Variants in PHACTR3 observed in about 807,000 individuals in gnomAD.
PHACTR3 encodes protein phosphatase 1, regulatory subunit 123.
PHACTR3 carries 16 observed loss-of-function variants against 66.8 expected under a neutral mutation model. That is an observed-to-expected ratio of 0.24 (90% CI 0.16 to 0.36). PHACTR3 has a LOEUF of 0.36. Among genes scored for constraint, PHACTR3 ranks in the 10% least tolerant of loss-of-function variants. PHACTR3 has a pLI of 1.00. For missense variants in PHACTR3, 647 were observed against 719.9 expected (o/e 0.90, Z 1.16); for synonymous variants, 323 against 292.1 (o/e 1.11, Z -1.08).
intron 1 of PHACTR3, among the ~76,000 whole-genome samples, chr20:59,670,082 C>T (rs816099): frequency 6.6e-6 from 1 of 152,114 alleles, no homozygotes; most frequent in African/African-American, 2.4e-5. Flanking sequence ...GCAGGTAAGA[C>T]TCTTGCCATC....
intron 11 of PHACTR3, chr20:59,843,529 C>A (rs2059100851): frequency 6.6e-6 from 1 of 152,066 alleles, no homozygotes. Flanking sequence ...AGAAAAAATT[C>A]ACTTATTTAC....
At chr20:59,617,297 C>T (rs1235518575) in intron 1 of PHACTR3, among the ~76,000 whole-genome samples, 2 of 152,020 alleles carry the variant, frequency 1.3e-5, no homozygotes, top group Non-Finnish European at 2.9e-5. Flanking sequence ...CAACAATAAA[C>T]AAAGAGTTCC....
intron 7 of PHACTR3, among the ~76,000 whole-genome samples, chr20:59,804,075 T>C (rs144971046): frequency 6.6e-6 from 1 of 152,314 alleles, no homozygotes; most frequent in Non-Finnish European, 1.5e-5. Context: ...CATTTTAAGC[T>C]ATGTCTTTTG....
chr20:59,580,448 G>A (rs577825586), intron 1 of PHACTR3, among the ~76,000 whole-genome samples: 21 of 152,254 alleles, frequency 1.4e-4, no homozygotes, highest in South Asian at 1.0e-3. Context: ...GGGATAATGT[G>A]CTATTTCTGG....
In PHACTR3 at chr20:59,628,568, G is replaced by A. The variant is rs57750180; in HGVS notation, c.118+23436G>A. Reference sequence around the variant, plus strand: ...GCTCCTGGCTCCCAGGGAGAGAGGCGAGCCCTGTTCTCTCCCCGAGTTCTG... The same window carrying A: ...GCTCCTGGCTCCCAGGGAGAGAGGCAAGCCCTGTTCTCTCCCCGAGTTCTG... On this transcript the variant is annotated intron_variant, in intron 1 of 12. Coordinates refer to ENST00000371015, the MANE Select transcript of PHACTR3 (RefSeq NM_080672.5). 1,859 of 966,150 alleles carry A rather than the reference G, an allele frequency of 1.9e-3. 33 individuals are homozygous for A. In the African/African-American group the frequency reaches 0.031, roughly 16 times the overall value. The allele number at this position is 966,150 out of a possible 1,614,324, so 59.8% of individuals were successfully genotyped here.
intron 1 of PHACTR3, among the ~76,000 whole-genome samples, chr20:59,592,598 A>T (rs1437660980): frequency 1.3e-5 from 2 of 152,232 alleles, no homozygotes; most frequent in African/African-American, 2.4e-5. Flanking sequence ...CCCTCATTAT[A>T]GTATCATACA....
chr20:59,786,482 G>A (rs2040919009), intron 7 of PHACTR3, among the ~76,000 whole-genome samples: 1 of 152,202 alleles, frequency 6.6e-6, no homozygotes, highest in South Asian at 2.1e-4. Flanking sequence ...AGCAGCCCAG[G>A]GAGCAGCCCT....
chr20:59,777,866 A>G (rs8122984), intron 7 of PHACTR3, among the ~76,000 whole-genome samples: 57,107 of 151,808 alleles, frequency 0.38, 13,162 homozygotes, highest in East Asian at 0.68. Flanking sequence ...CCTCCAGCCG[A>G]TGGCCCCTGA....
intron 1 of PHACTR3, among the ~76,000 whole-genome samples, chr20:59,674,614 CCCTTCTCCTGTCCCCG>C (rs2036345226): frequency 9.9e-6 from 1 of 101,060 alleles, no homozygotes; most frequent in Non-Finnish European, 1.9e-5. Context: ...TCCTGTTCCC[CCCTTCTCCTGTCCCCG>C]CTTCTCCTGT....
At chr20:59,632,028 C>T (rs2034682950) in intron 1 of PHACTR3, among the ~76,000 whole-genome samples, 1 of 152,216 alleles carries the variant, frequency 6.6e-6, no homozygotes, top group Non-Finnish European at 1.5e-5. Flanking sequence ...ACCTGCCTCC[C>T]TATCGTCCTC....
At chr20:59,836,414 T>C in intron 8 of PHACTR3, 91 bp from the exon 9 acceptor site, 1 of 1,275,540 alleles carries the variant, frequency 7.8e-7, no homozygotes, top group East Asian at 2.6e-5. Context: ...TCTATAGGGG[T>C]TTGCCAGCCA....
At chr20:59,774,978 G>A (rs1215023983) in intron 7 of PHACTR3, among the ~76,000 whole-genome samples, 6 of 152,190 alleles carry the variant, frequency 3.9e-5, no homozygotes, top group South Asian at 2.1e-4. Context: ...TCAAATGGCC[G>A]TCTCAGAAGT....
intron 1 of PHACTR3, among the ~76,000 whole-genome samples, chr20:59,714,416 T>C (rs891373450): frequency 1.3e-5 from 2 of 152,222 alleles, no homozygotes; most frequent in Non-Finnish European, 2.9e-5. Context: ...GGATATCCCA[T>C]TGATCCTCCA....
intron 2 of PHACTR3, among the ~76,000 whole-genome samples, chr20:59,745,842 C>T (rs1441244160): frequency 1.3e-5 from 2 of 152,208 alleles, no homozygotes; most frequent in Non-Finnish European, 2.9e-5. Flanking sequence ...TCCCCATCCC[C>T]GAGAGGGGGA....
At chr20:59,606,768 G>A (rs1429080819) in intron 1 of PHACTR3, among the ~76,000 whole-genome samples, 2 of 152,108 alleles carry the variant, frequency 1.3e-5, no homozygotes, top group Admixed American at 6.5e-5. Context: ...AGGTGGTGCC[G>A]GTCCATGAGA....
chr20:59,709,139 G>T (rs920468874), intron 1 of PHACTR3, among the ~76,000 whole-genome samples: 1 of 152,164 alleles, frequency 6.6e-6, no homozygotes, highest in Admixed American at 6.5e-5. Flanking sequence ...TTTCTACAAC[G>T]TTCAGTCTCT....
At chr20:59,801,543 G>A (rs1336413539) in intron 7 of PHACTR3, among the ~76,000 whole-genome samples, 1 of 152,168 alleles carries the variant, frequency 6.6e-6, no homozygotes, top group East Asian at 1.9e-4. Context: ...GTCCCCAGAT[G>A]GGAACCCCAC....
At chr20:59,795,531 C>A (rs1483076341) in intron 7 of PHACTR3, among the ~76,000 whole-genome samples, 3 of 152,048 alleles carry the variant, frequency 2.0e-5, no homozygotes, top group African/African-American at 4.8e-5. Flanking sequence ...TCCAATATTT[C>A]TCTGTTCATT....
intron 1 of PHACTR3, among the ~76,000 whole-genome samples, chr20:59,664,780 C>A (rs1172586642): frequency 2.0e-5 from 3 of 152,208 alleles, no homozygotes; most frequent in Non-Finnish European, 4.4e-5. Flanking sequence ...CTGGAGGCAC[C>A]ATACGTCTTC....
Sources: gnomAD v4.1 joint callset for allele counts (sites outside exome capture counted in the v4.1 genomes callset) on GRCh38, gnomAD v4.1.1 for gene constraint, MANE v1.5 for transcripts, NCBI Gene and HGNC (gene_info 2026-07-23, HGNC 2026-07-21) for gene names.